The following ZNF429 variants were observed in gnomAD, a reference collection of about 807,000 sequenced individuals.
ZNF429 encodes zinc finger protein 429.
A neutral mutation model predicts 56.8 loss-of-function variants in ZNF429; 53 were observed. The ratio of observed to expected loss-of-function variants is 0.93; its 90% confidence interval spans 0.75 to 1.17. The LOEUF (loss-of-function observed/expected upper bound fraction) is 1.17. Among genes scored for constraint, ZNF429 ranks in the 50% most tolerant of loss-of-function variants. The probability of loss-of-function intolerance (pLI) is 0.00; values close to 1 mark genes in which losing one functional copy is unlikely to be tolerated. For synonymous variants in ZNF429, 278 were observed against 264.7 expected, an observed-to-expected ratio of 1.05 and a Z score of -0.49; for missense variants, 849 against 788.4, an observed-to-expected ratio of 1.08 and a Z score of -0.92.
intron 1 of ZNF429, among the ~76,000 whole-genome samples, chr19:21,525,644 T>TTTTTATTAAAATTAAAA (rs1418584073): frequency 6.6e-6 from 1 of 152,208 alleles, no homozygotes; most frequent in East Asian, 1.9e-4. Context: ...TATTTTTAAT[T>TTTTTATTAAAATTAAAA]TTTTATTAAA....
Position 21,536,666 on chromosome 19 carries a change from G to T in ZNF429, c.613G>T (p.Glu205Ter), listed in dbSNP as rs762420464. 2 of 1,614,034 alleles carry T rather than the reference G, an allele frequency of 1.2e-6. No homozygotes were observed. The highest frequency in any genetic ancestry group is 1.7e-4 in the Middle Eastern group (1 of 6,060). Residue 205 changes from glutamate (E) to a stop codon, truncating the protein, a stop_gained, in exon 4 of 4, where the codon GAA becomes TAA. Transcript: ENST00000358491. LOFTEE classifies it high-confidence loss of function. ...HIRENTYRCKEFGNAFNQSSA... is the reference protein window; with the variant it reads ...HIRENTYRCK ...TAGAGAGAATACCTACAGATGTAAA[G>T]AATTTGGCAATGCCTTTAATCAGTC...
chr19:21,526,180 T>C (rs2033165634), intron 1 of ZNF429, among the ~76,000 whole-genome samples: 1 of 152,066 alleles, frequency 6.6e-6, no homozygotes, highest in African/African-American at 2.4e-5. Flanking sequence ...TTCTTCACTT[T>C]GACTTTTTTT....
intron 1 of ZNF429, among the ~76,000 whole-genome samples, chr19:21,511,196 G>T (rs2032444114): frequency 6.6e-6 from 1 of 151,582 alleles, no homozygotes; most frequent in Non-Finnish European, 1.5e-5. Context: ...TGGGGCGGCT[G>T]GCCGGGCGGG....
At chr19:21,533,082 G>A in intron 3 of ZNF429, among the ~76,000 whole-genome samples, 3 of 151,820 alleles carry the variant, frequency 2.0e-5, no homozygotes, top group African/African-American at 7.3e-5. Flanking sequence ...CAATGAACAT[G>A]GGTTTCATTT....
chr19:21,508,257 AG>A (rs1255884682), intron 1 of ZNF429, among the ~76,000 whole-genome samples: 27 of 151,422 alleles, frequency 1.8e-4, no homozygotes, highest in African/African-American at 4.6e-4. Context: ...AAAAAAAAAA[AG>A]GTGATATCTC....
At chr19:21,506,260 ACAGC>A (rs988625311) in intron 1 of ZNF429, among the ~76,000 whole-genome samples, 7 of 152,026 alleles carry the variant, frequency 4.6e-5, no homozygotes, top group Admixed American at 4.6e-4. Flanking sequence ...GCATTCGAGA[ACAGC>A]CTGGCCAACA....
In ZNF429 at chr19:21,535,338, T is replaced by TCTTTC; in HGVS notation, c.227-931_227-927dup. Among the ~76,000 whole-genome samples, 647 of 109,810 alleles carry TCTTTC rather than the reference T, an allele frequency of 5.9e-3. 73 individuals carry two copies. Among genetic ancestry groups the TCTTTC allele is most frequent in the African/African-American group, 0.022 (625 of 28,274 alleles). The allele number at this position is 109,810 out of a possible 152,430, so 72.0% of individuals were successfully genotyped here. A position where few individuals can be genotyped will look rare whatever the true frequency, so the allele number is the denominator to read the frequency against. Reference sequence around the variant, plus strand: ...TTCTTTCTTTCTTTCTCTTTTCTTTTCTTTCCTTTCCTTTCTTTTCTTCTT... The same window carrying TCTTTC: ...TTCTTTCTTTCTTTCTCTTTTCTTTTCTTTCCTTTCCTTTCCTTTCTTTTCTTCTT... On this transcript the variant is annotated intron_variant, in intron 3 of 3. Transcript: ENST00000358491.
chr19:21,514,788 G>A (rs560108159), intron 1 of ZNF429, among the ~76,000 whole-genome samples: 88 of 150,886 alleles, frequency 5.8e-4, no homozygotes, highest in Non-Finnish European at 8.9e-4. Context: ...TAGTAGAGAC[G>A]GGGTTTTGCC....
At chr19:21,519,258 G>A (rs1368058815) in intron 1 of ZNF429, among the ~76,000 whole-genome samples, 1 of 152,228 alleles carries the variant, frequency 6.6e-6, no homozygotes, top group African/African-American at 2.4e-5. Flanking sequence ...GGGCTGGAAA[G>A]AATGTGCTCT....
At chr19:21,524,268 G>T (rs1246254778) in intron 1 of ZNF429, among the ~76,000 whole-genome samples, 1 of 152,164 alleles carries the variant, frequency 6.6e-6, no homozygotes, top group Admixed American at 6.5e-5. Context: ...GGTGGCTCAC[G>T]CCTATAATCC....
rs11878341 is a variant in ZNF429 at position 21,515,779 on chromosome 19, G to T, written c.3+10005G>T. ...TATTTTTGTATATAGTATAAGAAAG[G>T]GGTGCTGTTTCAGTCTTCTACATAA... On this transcript the variant is annotated intron_variant, in intron 1 of 3. Transcript: ENST00000358491. Among the ~76,000 whole-genome samples, 1,515 of 152,068 alleles carry T rather than the reference G, an allele frequency of 1.0e-2. 25 individuals carry two copies. The highest frequency in any genetic ancestry group is 0.034 in the African/African-American group (1,418 of 41,482).
rs550328421 is a variant in ZNF429, at chr19:21,536,922, G to A, written c.869G>A (p.Cys290Tyr). The change falls in exon 4 of 4, where the codon TGT becomes TAT. Residue 290 changes from cysteine to tyrosine, a missense_variant. By Grantham distance (194) the Cys-to-Tyr change is radical. Transcript: ENST00000358491. ...SGEKPYKCDE[C>Y]GKTFSISSTF... ...GAGAAGCCCTACAAATGTGATGAAT[G>A]TGGCAAAACCTTTAGCATATCCTCA... The A allele has an allele frequency of 1.9e-6, 3 of 1,612,356 alleles. No homozygotes were observed. Among genetic ancestry groups the A allele is most frequent in the African/African-American group, 1.3e-5 (1 of 75,032 alleles).
In ZNF429 at chr19:21,537,221, A is replaced by T. The variant is rs117126050; in HGVS notation, c.1168A>T (p.Ile390Phe). 10 of 1,613,938 alleles carry T rather than the reference A, an allele frequency of 6.2e-6. No individual in the cohort carries two copies. In the African/African-American group the frequency reaches 1.3e-4, roughly 22 times the overall value. Reference sequence around the variant, plus strand: ...TTCAAGACTTACTCGACATAAAAAAATTCATACTGGAGAGGAACCCTACAA... The same window carrying T: ...TTCAAGACTTACTCGACATAAAAAATTTCATACTGGAGAGGAACCCTACAA... ...QSSRLTRHKK[I>F]HTGEEPYKFE... Residue 390 changes from isoleucine (I) to phenylalanine (F), a missense_variant, in exon 4 of 4, where the codon ATT (isoleucine) becomes TTT (phenylalanine). Physicochemically the swap from Ile to Phe is conservative, Grantham distance 21. Coordinates refer to ENST00000358491, the MANE Select transcript of ZNF429 (RefSeq NM_001001415.4).
In ZNF429 at chr19:21,505,633, T is replaced by A. The variant is rs555395766; in HGVS notation, c.-139T>A. 11 of 834,946 alleles carry A rather than the reference T, an allele frequency of 1.3e-5. No homozygotes were observed. The Admixed American group carries it at 3.1e-4, about 24-fold the overall frequency. The allele number at this position is 834,946 out of a possible 1,614,324, so 51.7% of individuals were successfully genotyped here. A position where few individuals can be genotyped will look rare whatever the true frequency, so the allele number is the denominator to read the frequency against. Reference sequence around the variant, plus strand: ...TCCGGAATATGGCGGGGCGTTTGGCTCTTGCTGCAGCCAGAGCTCCAGGTC... The same window carrying A: ...TCCGGAATATGGCGGGGCGTTTGGCACTTGCTGCAGCCAGAGCTCCAGGTC... On this transcript the variant is annotated 5_prime_UTR_variant, in exon 1 of 4. Transcript: ENST00000358491.
chr19:21,516,144 C>T (rs1012395533), intron 1 of ZNF429, among the ~76,000 whole-genome samples: 7 of 152,122 alleles, frequency 4.6e-5, no homozygotes, highest in African/African-American at 1.7e-4. Context: ...TCTTGGCTCA[C>T]TGCAACCTCT....
chr19:21,538,321 G>A lies in ZNF429; in HGVS notation c.*243G>A, dbSNP rs1055779147. 2.1e-5 allele frequency among the ~76,000 whole-genome samples: 3 copies of A among 146,298 alleles called. No individual in the cohort carries two copies. Among genetic ancestry groups the A allele is most frequent in the African/African-American group, 7.6e-5 (3 of 39,456 alleles). ...AAAAGAAAAGAAAATTCATAGGCCAGGTATGGTGGCTCATGCCTGCCTGTA... is the reference window on the plus strand; with the variant it reads ...AAAAGAAAAGAAAATTCATAGGCCAAGTATGGTGGCTCATGCCTGCCTGTA... On this transcript the variant is annotated 3_prime_UTR_variant, in exon 4 of 4. Transcript: ENST00000358491.
intron 3 of ZNF429, among the ~76,000 whole-genome samples, chr19:21,534,818 GT>G: frequency 7.1e-6 from 1 of 140,454 alleles, no homozygotes; most frequent in African/African-American, 2.6e-5. Flanking sequence ...TCGTTTGTTT[GT>G]TTTTTTTTGA....
chr19:21,519,830 C>A (rs930689592), intron 1 of ZNF429, among the ~76,000 whole-genome samples: 9 of 150,986 alleles, frequency 6.0e-5, no homozygotes, highest in African/African-American at 1.9e-4. Flanking sequence ...CTTTATAGGT[C>A]TTCTAAGAAC....
intron 1 of ZNF429, among the ~76,000 whole-genome samples, chr19:21,514,291 AC>A (rs1254881713): frequency 6.6e-6 from 1 of 151,980 alleles, no homozygotes; most frequent in African/African-American, 2.4e-5. Flanking sequence ...TCACTGAGGT[AC>A]TAAGCATAGC....
Sources: allele counts gnomAD v4.1 joint callset (sites outside exome capture counted in the v4.1 genomes callset), GRCh38; gene constraint gnomAD v4.1.1; transcripts MANE v1.5; gene names NCBI Gene and HGNC (gene_info 2026-07-23, HGNC 2026-07-21).